Variants in KIAA0319L observed in about 807,000 individuals in gnomAD.
KIAA0319L encodes the protein KIAA0319 like.
Under a neutral mutation model 120.1 loss-of-function variants are expected in KIAA0319L, and 55 were observed. The ratio of observed to expected loss-of-function variants is 0.46; its 90% CI spans 0.37 to 0.57. The LOEUF is 0.57. Among genes scored for constraint, KIAA0319L ranks in the 20% least tolerant of loss-of-function variants. The probability of loss-of-function intolerance (pLI) is 0.00; values close to 1 mark genes in which losing one functional copy is unlikely to be tolerated. For missense variants in KIAA0319L, 1,049 were observed against 1,255.3 expected, an observed-to-expected ratio of 0.84 and a Z score of 2.48; for synonymous variants, 398 against 471.9, an observed-to-expected ratio of 0.84 and a Z score of 2.03.
intron 6 of KIAA0319L, among the ~76,000 whole-genome samples, chr1:35,466,911 C>T (rs1643301532): frequency 6.6e-6 from 1 of 151,966 alleles, no homozygotes; most frequent in African/African-American, 2.4e-5. Context: ...GGGCAATATG[C>T]CAAAACCCCA....
At chr1:35,515,312 C>CAAAAAAAA in intron 2 of KIAA0319L, among the ~76,000 whole-genome samples, 1 of 67,448 alleles carries the variant, frequency 1.5e-5, no homozygotes, top group Non-Finnish European at 3.2e-5. Context: ...AACTCCATCT[C>CAAAAAAAA]AAAAAAAAAA....
intron 19 of KIAA0319L, among the ~76,000 whole-genome samples, 183 bp from the exon 20 acceptor site, chr1:35,441,321 T>C (rs1641199087): frequency 6.6e-6 from 1 of 152,114 alleles, no homozygotes; most frequent in Non-Finnish European, 1.5e-5. Context: ...TCCTCAGCAA[T>C]TCTGGAGAAG....
intron 16 of KIAA0319L, among the ~76,000 whole-genome samples, chr1:35,447,344 TATTAAAACTAAG>T (rs1641701564): frequency 6.6e-6 from 1 of 151,212 alleles, no homozygotes; most frequent in African/African-American, 2.5e-5. Context: ...CTACCCAAAC[TATTAAAACTAAG>T]ATCCTCAGCT....
At chr1:35,509,913 G>A (rs11264167) in intron 2 of KIAA0319L, 23,515 of 152,244 alleles carry the variant, frequency 0.15, 3,615 homozygotes, top group East Asian at 0.52. Context: ...GGATGGAGGC[G>A]TCAGAACTGC....
intron 15 of KIAA0319L, 118 bp from the exon 16 acceptor site, chr1:35,448,450 A>C: frequency 2.0e-6 from 2 of 981,494 alleles, no homozygotes; most frequent in Non-Finnish European, 3.1e-6. Context: ...ATATCCTTCA[A>C]ATGGAAAGGG....
chr1:35,506,836 C>A lies in KIAA0319L; in HGVS notation c.442G>T (p.Val148Leu). 6.2e-7 allele frequency: 1 copy of A among 1,614,202 alleles called. No individual in the cohort carries two copies. The highest frequency in any genetic ancestry group is 8.5e-7 in the Non-Finnish European group (1 of 1,180,022). The change falls in exon 3 of 21, where the codon GTA becomes TTA. Residue 148 changes from valine (V) to leucine (L), a missense_variant. Transcript: ENST00000325722. The surrounding 1 kb of genome is among the most constrained non-coding windows in gnomAD (Gnocchi z 4.0). ...CAACCTAGCCCCAGAAGATGTGGTA[C>A]ATCATCTTCAGGTAGAAAGCCCAAA... is the stretch of plus-strand genomic sequence containing the variant. ...DDLGFLPEDDVPHLLGLGWNW... is the reference protein window; with the variant it reads ...DDLGFLPEDDLPHLLGLGWNW...
chr1:35,534,186 C>T (rs957773851), intron 2 of KIAA0319L, among the ~76,000 whole-genome samples: 2 of 152,322 alleles, frequency 1.3e-5, no homozygotes, highest in South Asian at 2.1e-4. Flanking sequence ...CCTAGCTTTG[C>T]TAAGAGTACA....
chr1:35,552,588 G>A (rs1647318218), intron 2 of KIAA0319L, among the ~76,000 whole-genome samples: 1 of 152,164 alleles, frequency 6.6e-6, no homozygotes, highest in Admixed American at 6.5e-5. Context: ...GATAAGGTAT[G>A]TAATGTTTAC....
intron 17 of KIAA0319L, among the ~76,000 whole-genome samples, chr1:35,443,596 CG>C (rs553846424): frequency 6.6e-6 from 1 of 151,788 alleles, no homozygotes; most frequent in East Asian, 1.9e-4. Context: ...CACTTGAACC[CG>C]GGGGGGCGGA....
chr1:35,514,580 G>A (rs564170138), intron 2 of KIAA0319L, among the ~76,000 whole-genome samples: 4 of 152,224 alleles, frequency 2.6e-5, no homozygotes, highest in African/African-American at 9.6e-5. Flanking sequence ...AAAAAAGTAG[G>A]AGTTGCAATC....
rs1361725209 is a variant in KIAA0319L, at chr1:35,456,107, G to T, written c.1562C>A (p.Thr521Asn). Residue 521 changes from threonine (T) to asparagine (N), a missense_variant, in exon 10 of 21, where the codon ACC becomes AAC. Coordinates refer to ENST00000325722, the MANE Select transcript of KIAA0319L (RefSeq NM_024874.5). The part of the protein sequence containing the change: ...QVITLPQNSI[T>N]LFGNQSTDDH... Reference sequence around the variant, plus strand: ...ATCAGTGCTCTGGTTCCCAAAGAGGGTGATGGAGTTTTGGGGCAGGGTGAT... The same window carrying T: ...ATCAGTGCTCTGGTTCCCAAAGAGGTTGATGGAGTTTTGGGGCAGGGTGAT... 2.5e-6 allele frequency: 4 copies of T among 1,613,930 alleles called. No individual in the cohort carries two copies. The highest frequency in any genetic ancestry group is 2.2e-5 in the East Asian group (1 of 44,874).
At chr1:35,542,388 ACT>A (rs1292088940) in intron 2 of KIAA0319L, among the ~76,000 whole-genome samples, 2 of 152,142 alleles carry the variant, frequency 1.3e-5, no homozygotes, top group Non-Finnish European at 2.9e-5. Flanking sequence ...GCCCTTCGCC[ACT>A]CTGTCTCCTA....
Position 35,437,685 on chromosome 1 carries a change from C to A in KIAA0319L, c.2963-2604G>T, listed in dbSNP as rs2149067729. ...ACCGACGGCTGTCCCCTAATGAATC[C>A]CCTCCTCCCTCCTGGATGGTCATTC... On this transcript the variant is annotated intron_variant, in intron 20 of 20. Coordinates refer to ENST00000325722, the MANE Select transcript of KIAA0319L (RefSeq NM_024874.5). The surrounding 1 kb of genome is among the most constrained non-coding windows in gnomAD (Gnocchi z 4.1). Among the ~76,000 whole-genome samples, 1 of 152,216 alleles carries A rather than the reference C, an allele frequency of 6.6e-6. No homozygotes were observed. Among genetic ancestry groups the A allele is most frequent in the Admixed American group, 6.5e-5 (1 of 15,290 alleles).
chr1:35,482,300 T>C (rs1644205651), intron 3 of KIAA0319L, among the ~76,000 whole-genome samples: 1 of 152,196 alleles, frequency 6.6e-6, no homozygotes, highest in African/African-American at 2.4e-5. Flanking sequence ...TTCTTAGCAT[T>C]GCTAAGTAGT....
Position 35,456,163 on chromosome 1 carries a change from G to C in KIAA0319L, c.1506C>G (p.Pro502=), listed in dbSNP as rs75944591. The change falls in exon 10 of 21, where the codon CCC becomes CCG. Residue 502 remains proline, a synonymous_variant. Transcript: ENST00000325722. ...GGTTGGGGCCTGCGTTGGCCACAGGGGGGTAATCCACAGCTTTGTTCACTG... is the reference window on the plus strand; with the variant it reads ...GGTTGGGGCCTGCGTTGGCCACAGGCGGGTAATCCACAGCTTTGTTCACTG... The part of the protein sequence containing the change: ...NLTVNKAVDY[P]PVANAGPNQV... The C allele has an allele frequency of 8.4e-3, 13,573 of 1,613,650 alleles. 646 individuals carry two copies. In the East Asian group the frequency reaches 0.15, roughly 17 times the overall value.
At chr1:35,466,224 T>C (rs1482104253) in intron 7 of KIAA0319L, among the ~76,000 whole-genome samples, 3 of 152,214 alleles carry the variant, frequency 2.0e-5, no homozygotes, top group Non-Finnish European at 4.4e-5. Context: ...CTCACATCTC[T>C]GGAAAGAGAT....
rs1646098047 is a variant in KIAA0319L at position 35,525,676 on chromosome 1, A to G, written c.143-18541T>C. On this transcript the variant is annotated intron_variant, in intron 2 of 20. Transcript: ENST00000325722. The stretch of plus-strand genomic sequence containing the variant: ...ATGTAGATCCTTTGCCCACTTTTTA[A>G]TGGGGCTATGTAGGGTTTTTTGCTG... Among the ~76,000 whole-genome samples the G allele has an allele frequency of 2.6e-5, 4 of 152,060 alleles. No homozygotes were observed. In the South Asian group the frequency reaches 8.3e-4, roughly 32 times the overall value.
At chr1:35,548,394 GTATTATAGTATA>G (rs1335518775) in intron 2 of KIAA0319L, among the ~76,000 whole-genome samples, 2 of 151,858 alleles carry the variant, frequency 1.3e-5, no homozygotes, top group African/African-American at 4.8e-5. Context: ...AAATTTACCA[GTATTATAGTATA>G]TTTAATACAG....
chr1:35,505,017 C>T (rs1368340948), intron 3 of KIAA0319L, among the ~76,000 whole-genome samples: 1 of 152,114 alleles, frequency 6.6e-6, no homozygotes, highest in Non-Finnish European at 1.5e-5. Context: ...TTCCGAATTC[C>T]TACTTCAAAT....
Sources: allele counts gnomAD v4.1 joint callset (sites outside exome capture counted in the v4.1 genomes callset), GRCh38; gene constraint gnomAD v4.1.1; non-coding constraint Gnocchi (gnomAD v3.1); transcripts MANE v1.5; gene names NCBI Gene and HGNC (gene_info 2026-07-23, HGNC 2026-07-21).